PTPRT: variants seen among roughly 807,000 people sequenced by gnomAD.
The protein encoded by PTPRT is receptor-type tyrosine-protein phosphatase T.
In PTPRT, 56 loss-of-function variants were observed where a neutral mutation model predicts 176.8. The observed-to-expected ratio is 0.32, with a 90% CI of 0.26 to 0.40. The LOEUF (loss-of-function observed/expected upper bound fraction) is 0.40, where lower values mean the gene tolerates loss of function less well. PTPRT is among the 10% of genes least tolerant of loss of function. The probability of loss-of-function intolerance (pLI) is 1.00; values close to 1 mark genes in which losing one functional copy is unlikely to be tolerated. For synonymous variants in PTPRT, 783 were observed against 739.0 expected (o/e 1.06, Z -0.96); for missense variants, 1,540 against 1,908.2 (o/e 0.81, Z 3.60).
At chr20:43,099,133 T>C (rs541482664) in intron 1 of PTPRT, among the ~76,000 whole-genome samples, 1 of 139,112 alleles carries the variant, frequency 7.2e-6, no homozygotes, top group East Asian at 2.0e-4. Context: ...ACCCTGGATA[T>C]CTCACCATAA....
chr20:42,066,212 T>A, the PTPRT span, among the ~76,000 whole-genome samples: 7 of 151,824 alleles, frequency 4.6e-5, no homozygotes, highest in East Asian at 1.2e-3. Context: ...CTGATTTTTT[T>A]TGTATTTTTA....
intron 7 of PTPRT, among the ~76,000 whole-genome samples, chr20:42,513,565 T>C (rs1027056870): frequency 1.3e-5 from 2 of 152,188 alleles, no homozygotes; most frequent in Admixed American, 6.5e-5. Flanking sequence ...TTTCCTCTTT[T>C]ACTTGAAACT....
At chr20:42,253,495 TG>T (rs1018355819) in intron 13 of PTPRT, among the ~76,000 whole-genome samples, 2 of 152,124 alleles carry the variant, frequency 1.3e-5, no homozygotes, top group African/African-American at 4.8e-5. Flanking sequence ...TCTCCGACTC[TG>T]GGTGACTTTG....
At chr20:42,255,069 C>A (rs2146940463) in intron 13 of PTPRT, among the ~76,000 whole-genome samples, 1 of 152,246 alleles carries the variant, frequency 6.6e-6, no homozygotes, top group East Asian at 1.9e-4. Context: ...AGGACAAGAG[C>A]TGGCTGGAAC....
intron 11 of PTPRT, among the ~76,000 whole-genome samples, chr20:42,347,229 G>T (rs911129524): frequency 3.3e-5 from 5 of 152,192 alleles, no homozygotes; most frequent in African/African-American, 1.2e-4. Flanking sequence ...GAACAATTCA[G>T]AAAACTAATT....
chr20:42,524,973 G>C (rs1181098322), intron 7 of PTPRT, among the ~76,000 whole-genome samples: 1 of 151,804 alleles, frequency 6.6e-6, no homozygotes, highest in Non-Finnish European at 1.5e-5. Flanking sequence ...CTCAACATTT[G>C]GTGTTCTCAA....
chr20:42,158,520 G>T (rs1182213049), intron 17 of PTPRT, among the ~76,000 whole-genome samples: 2 of 152,166 alleles, frequency 1.3e-5, no homozygotes, highest in Non-Finnish European at 2.9e-5. Context: ...AGAGCAGGTT[G>T]GTATGAGAGT....
intron 7 of PTPRT, among the ~76,000 whole-genome samples, chr20:42,564,940 T>A (rs914663331): frequency 4.6e-5 from 7 of 152,054 alleles, no homozygotes; most frequent in African/African-American, 1.7e-4. Context: ...AATTTTAGTA[T>A]CCAAGGAGGG....
chr20:42,363,144 T>TA (rs1330013664), intron 9 of PTPRT, among the ~76,000 whole-genome samples: 4 of 132,610 alleles, frequency 3.0e-5, no homozygotes, highest in Non-Finnish European at 6.2e-5. Context: ...ATATTTTTTT[T>TA]AAAAAAAAGA....
At chr20:42,953,229 G>C (rs1981371566) in intron 1 of PTPRT, among the ~76,000 whole-genome samples, 1 of 152,176 alleles carries the variant, frequency 6.6e-6, no homozygotes, top group Non-Finnish European at 1.5e-5. Flanking sequence ...ATAAAGGCGG[G>C]GAGGGTAGAC....
At chr20:43,051,729 T>C (rs1388751719) in intron 1 of PTPRT, among the ~76,000 whole-genome samples, 1 of 151,652 alleles carries the variant, frequency 6.6e-6, no homozygotes, top group African/African-American at 2.4e-5. Flanking sequence ...TGTATCTCTC[T>C]AGGAAAAAAA....
chr20:42,414,164 C>A (rs756109784), intron 9 of PTPRT, among the ~76,000 whole-genome samples: 1 of 152,160 alleles, frequency 6.6e-6, no homozygotes, highest in Non-Finnish European at 1.5e-5. Context: ...GAATGCCTAG[C>A]ACTACTCAAC....
chr20:42,307,849 A>G (rs568728331), intron 12 of PTPRT, among the ~76,000 whole-genome samples: 2 of 152,312 alleles, frequency 1.3e-5, no homozygotes, highest in African/African-American at 4.8e-5. Flanking sequence ...CATGAGATAC[A>G]GGTCATGAAG....
At chr20:42,686,545 G>A (rs1353796458) in intron 6 of PTPRT, among the ~76,000 whole-genome samples, 4 of 124,890 alleles carry the variant, frequency 3.2e-5, no homozygotes, top group South Asian at 2.7e-4. Flanking sequence ...GTGCAGTGGC[G>A]CGATCTCAGC....
At chr20:42,518,389 A>T (rs567595691) in intron 7 of PTPRT, among the ~76,000 whole-genome samples, 1 of 151,494 alleles carries the variant, frequency 6.6e-6, no homozygotes, top group South Asian at 2.1e-4. Context: ...TATTTCTACC[A>T]CCCTGTTTTG....
At chr20:42,302,498 T>C (rs969297070) in intron 12 of PTPRT, among the ~76,000 whole-genome samples, 13 of 152,308 alleles carry the variant, frequency 8.5e-5, no homozygotes, top group East Asian at 1.9e-4. Flanking sequence ...TACCTTCTAA[T>C]AGCCAAGTCA....
At chr20:42,440,167 A>C (rs2059299816) in intron 9 of PTPRT, among the ~76,000 whole-genome samples, 1 of 152,146 alleles carries the variant, frequency 6.6e-6, no homozygotes, top group African/African-American at 2.4e-5. Flanking sequence ...GGCCTCCCAC[A>C]GTGCTGGGAT....
At chr20:42,356,138 G>A (rs1237991190) in intron 9 of PTPRT, among the ~76,000 whole-genome samples, 3 of 152,136 alleles carry the variant, frequency 2.0e-5, no homozygotes, top group Non-Finnish European at 2.9e-5. Flanking sequence ...AAGAAGAAAG[G>A]TGAGAAAAAT....
rs1207079225 is a variant in PTPRT, at chr20:42,184,608, T to C, written c.2491+14632A>G. ...TTCTTCTTCTTCCTCTTCTTCTTCT[T>C]CTTCTTCTCCTCCTTCTTCTCCTTC... On this transcript the variant is annotated intron_variant, in intron 16 of 30. Coordinates refer to ENST00000373187, the MANE Select transcript of PTPRT (RefSeq NM_007050.6). Among the ~76,000 whole-genome samples the C allele has an allele frequency of 7.2e-4, 105 of 145,534 alleles. 1 individual carries two copies. Among genetic ancestry groups the C allele is most frequent in the Middle Eastern group, 6.8e-3 (2 of 292 alleles).
Sources: gnomAD v4.1 joint callset for allele counts (sites outside exome capture counted in the v4.1 genomes callset) on GRCh38, gnomAD v4.1.1 for gene constraint, MANE v1.5 for transcripts, NCBI Gene and HGNC (gene_info 2026-07-23, HGNC 2026-07-21) for gene names.